Variants in FNBP1L observed in about 807,000 individuals in gnomAD.
FNBP1L encodes the protein formin-binding protein 1-like.
In FNBP1L, 36 loss-of-function variants were observed where a neutral mutation model predicts 91.2. The observed-to-expected ratio is 0.39, with a 90% CI of 0.30 to 0.52. The LOEUF is 0.52. Ranked by LOEUF, FNBP1L falls within the 20% of genes least tolerant of loss-of-function variation. The probability of loss-of-function intolerance (pLI) is 0.66; values close to 1 mark genes in which losing one functional copy is unlikely to be tolerated. For missense variants in FNBP1L, 571 were observed against 732.1 expected (o/e 0.78, Z 2.54); for synonymous variants, 242 against 237.0 (o/e 1.02, Z -0.19).
intron 1 of FNBP1L, among the ~76,000 whole-genome samples, chr1:93,489,907 T>A (rs1670040600): frequency 6.6e-6 from 1 of 152,160 alleles, no homozygotes; most frequent in African/African-American, 2.4e-5. Flanking sequence ...TTAAAAACAT[T>A]TTTGGTGGTA....
At chr1:93,492,801 T>G (rs1326246841) in intron 1 of FNBP1L, among the ~76,000 whole-genome samples, 2 of 151,980 alleles carry the variant, frequency 1.3e-5, no homozygotes, top group Non-Finnish European at 2.9e-5. Context: ...ACCTAAAAAA[T>G]AAAATATAAA....
intron 2 of FNBP1L, among the ~76,000 whole-genome samples, chr1:93,520,887 C>CA (rs1671297032): frequency 6.6e-6 from 1 of 152,074 alleles, no homozygotes; most frequent in Non-Finnish European, 1.5e-5. Flanking sequence ...ACTAAAAATA[C>CA]AAAAATCAGC....
At chr1:93,472,979 A>G (rs1473645070) in intron 1 of FNBP1L, among the ~76,000 whole-genome samples, 4 of 152,020 alleles carry the variant, frequency 2.6e-5, no homozygotes, top group Non-Finnish European at 5.9e-5. Context: ...TGCGTTTTGT[A>G]TGACTGTTTA....
intron 1 of FNBP1L, among the ~76,000 whole-genome samples, chr1:93,486,519 C>A (rs545538002): frequency 3.1e-4 from 47 of 151,976 alleles, no homozygotes; most frequent in African/African-American, 1.1e-3. Flanking sequence ...CTCACAACAA[C>A]CCTGTAAGGT....
chr1:93,465,839 A>G (rs545330379), intron 1 of FNBP1L, among the ~76,000 whole-genome samples: 152 of 152,266 alleles, frequency 1.0e-3, no homozygotes, highest in South Asian at 1.5e-3. Context: ...AAGTGTTCCT[A>G]TTTCTCCACA....
At chr1:93,494,849 G>GT (rs1670210707) in intron 1 of FNBP1L, among the ~76,000 whole-genome samples, 1 of 152,170 alleles carries the variant, frequency 6.6e-6, no homozygotes. Flanking sequence ...GCAAAGTCAC[G>GT]TCTTACATGG....
Position 93,551,067 on chromosome 1 carries a change from C to G in FNBP1L, c.1772C>G (p.Thr591Arg). 2 of 1,612,084 alleles carry G rather than the reference C, an allele frequency of 1.2e-6. No individual in the cohort carries two copies. The highest frequency in any genetic ancestry group is 1.7e-6 in the Non-Finnish European group (2 of 1,178,916). Reference protein sequence around the residue: ...RQNGEEGYVPTSYIDVTLEKN... With the variant: ...RQNGEEGYVPRSYIDVTLEKN... ...AACGGTGAAGAAGGCTACGTTCCCA[C>G]GTCATACATAGATGTAACTCTAGAG... Residue 591 changes from threonine to arginine, a missense_variant, in exon 16 of 17, where the codon ACG becomes AGG. Thr to Arg is a moderately conservative substitution (Grantham distance 71, BLOSUM62 -1). Around this residue, in one of 5 missense-constraint regions of FNBP1L, gnomAD observed 189 missense variants for 219.7 expected, o/e 0.86. Transcript: ENST00000271234.
chr1:93,457,537 A>C (rs1450425436), intron 1 of FNBP1L, among the ~76,000 whole-genome samples: 1 of 152,052 alleles, frequency 6.6e-6, no homozygotes, highest in Non-Finnish European at 1.5e-5. Flanking sequence ...CAGTGATTCT[A>C]ATTTTTCAAG....
At chr1:93,468,645 G>A (rs775056392) in intron 1 of FNBP1L, among the ~76,000 whole-genome samples, 1 of 152,132 alleles carries the variant, frequency 6.6e-6, no homozygotes, top group Non-Finnish European at 1.5e-5. Context: ...TGCCCAGGCT[G>A]GTCTTAAACT....
intron 1 of FNBP1L, among the ~76,000 whole-genome samples, chr1:93,492,967 A>C (rs1395419455): frequency 3.3e-5 from 5 of 152,184 alleles, no homozygotes; most frequent in Admixed American, 3.3e-4. Context: ...TATGGATTAG[A>C]GGTGACCTTC....
chr1:93,481,492 A>AT (rs1669701988), intron 1 of FNBP1L, among the ~76,000 whole-genome samples: 1 of 152,222 alleles, frequency 6.6e-6, no homozygotes. Context: ...TGGCCCATTA[A>AT]TTATGGGATA....
At chr1:93,547,822 T>C (rs1226136644) in intron 14 of FNBP1L, among the ~76,000 whole-genome samples, 1 of 152,144 alleles carries the variant, frequency 6.6e-6, no homozygotes, top group African/African-American at 2.4e-5. Context: ...AAAAAATGTA[T>C]TGTTAGTTTG....
chr1:93,532,145 CA>C (rs1161427232), intron 7 of FNBP1L, among the ~76,000 whole-genome samples: 2 of 151,708 alleles, frequency 1.3e-5, no homozygotes, highest in Non-Finnish European at 2.9e-5. Flanking sequence ...CAAGTCTTAC[CA>C]AAGTATCCTG....
At chr1:93,517,560 T>G (rs151142747) in intron 2 of FNBP1L, among the ~76,000 whole-genome samples, 162 of 152,328 alleles carry the variant, frequency 1.1e-3, no homozygotes, top group Admixed American at 1.8e-3. Context: ...CTACTCAATT[T>G]GGTTGTCTCA....
At position 93,523,584 on chromosome 1, in the gene FNBP1L, C is replaced by CT. The variant is rs777006753; in HGVS notation, c.342+94dup. The CT allele has an allele frequency of 4.4e-4, 523 of 1,178,368 alleles. 2 individuals carry two copies. Among genetic ancestry groups the CT allele is most frequent in the Non-Finnish European group, 5.7e-4 (489 of 865,056 alleles). 73.0% of individuals were successfully genotyped at this position (1,178,368 alleles called of 1,614,324 possible). On this transcript the variant is annotated intron_variant, in intron 4 of 16. Coordinates refer to ENST00000271234, the MANE Select transcript of FNBP1L (RefSeq NM_001164473.3). Reference sequence around the variant, plus strand: ...CTTTAAAATGTGTGTTCAGCATAAACTGGTTTTTCTATTTCACTACATTTC... The same window carrying CT: ...CTTTAAAATGTGTGTTCAGCATAAACTTGGTTTTTCTATTTCACTACATTTC...
rs778253994 is a variant in FNBP1L at position 93,534,890 on chromosome 1, C to T, written c.972C>T (p.Leu324=). ...TVGKAKGKLW[L]FGKKPKPQSP... ...GAAAGGCCAAGGGCAAATTGTGGCTCTTTGGAAAGAAGCCAAAGGTAAAAG... is the reference window on the plus strand; with the variant it reads ...GAAAGGCCAAGGGCAAATTGTGGCTTTTTGGAAAGAAGCCAAAGGTAAAAG... The change falls in exon 9 of 17, where the codon CTC becomes CTT. Residue 324 remains leucine, a synonymous_variant. Transcript: ENST00000271234. 12 of 1,569,958 alleles carry T rather than the reference C, an allele frequency of 7.6e-6. No individual in the cohort carries two copies. The Admixed American group carries it at 2.2e-4, about 29-fold the overall frequency.
intron 6 of FNBP1L, 87 bp from the exon 7 acceptor site, chr1:93,530,668 G>A: frequency 6.9e-7 from 1 of 1,442,434 alleles, no homozygotes; most frequent in Non-Finnish European, 9.3e-7. Context: ...CTTCTTCATT[G>A]ATAAAATCTA....
chr1:93,546,736 CTACTT>C, intron 12 of FNBP1L, 101 bp from the exon 13 acceptor site: 2 of 1,193,208 alleles, frequency 1.7e-6, no homozygotes, highest in Middle Eastern at 2.3e-4. Flanking sequence ...AGATGTGACT[CTACTT>C]AAGATTAAGC....
intron 1 of FNBP1L, among the ~76,000 whole-genome samples, chr1:93,448,874 C>T (rs1056613247): frequency 3.9e-5 from 6 of 152,132 alleles, no homozygotes; most frequent in Non-Finnish European, 8.8e-5. Context: ...CGGCCTCGGG[C>T]CAGCCAGGCC....
Sources: gnomAD v4.1 joint callset for allele counts (sites outside exome capture counted in the v4.1 genomes callset) on GRCh38, gnomAD v4.1.1 for gene constraint, gnomAD v4.1.1 regional missense constraint, MANE v1.5 for transcripts, NCBI Gene and HGNC (gene_info 2026-07-23, HGNC 2026-07-21) for gene names.